Variants in PARD3 observed in about 807,000 individuals in gnomAD.
The protein encoded by PARD3 is par-3 family cell polarity regulator, also known as partitioning defective 3 homolog.
PARD3 carries 75 observed loss-of-function variants against 155.4 expected under a neutral mutation model. That is an observed-to-expected ratio of 0.48 (90% CI 0.40 to 0.58). The LOEUF (loss-of-function observed/expected upper bound fraction) is 0.58. PARD3 is among the 20% of genes least tolerant of loss of function. The pLI is 0.00. For synonymous variants in PARD3, 576 were observed against 610.5 expected, an observed-to-expected ratio of 0.94 and a Z score of 0.83; for missense variants, 1,642 against 1,721.7, an observed-to-expected ratio of 0.95 and a Z score of 0.82.
chr10:34,221,270 T>C (rs1270381414), intron 22 of PARD3, among the ~76,000 whole-genome samples: 9 of 152,152 alleles, frequency 5.9e-5, no homozygotes, highest in Non-Finnish European at 1.5e-5. Context: ...CCCATTTGTA[T>C]GGCCACCCTT....
intron 7 of PARD3, among the ~76,000 whole-genome samples, chr10:34,394,565 A>G (rs1207416697): frequency 1.3e-5 from 2 of 152,156 alleles, no homozygotes; most frequent in Non-Finnish European, 2.9e-5. Context: ...GCTTCAAGTG[A>G]TCCTTCCACT....
intron 1 of PARD3, among the ~76,000 whole-genome samples, chr10:34,728,966 A>G (rs566312973): frequency 6.6e-6 from 1 of 152,286 alleles, no homozygotes; most frequent in South Asian, 2.1e-4. Context: ...ATATGTTTAG[A>G]AACACAACTA....
chr10:34,800,535 C>T (rs995303084), intron 1 of PARD3, among the ~76,000 whole-genome samples: 2 of 151,840 alleles, frequency 1.3e-5, no homozygotes, highest in African/African-American at 4.8e-5. Flanking sequence ...TGCTTGAACC[C>T]GGGAGGCAGA....
At chr10:34,344,158 T>C (rs1589244610) in intron 15 of PARD3, 5 of 983,618 alleles carry the variant, frequency 5.1e-6, no homozygotes, top group South Asian at 4.7e-5. Flanking sequence ...AGTTGAGAAA[T>C]AGTTAAAGTC....
chr10:34,593,163 G>C (rs955153423), intron 2 of PARD3, among the ~76,000 whole-genome samples: 2 of 152,142 alleles, frequency 1.3e-5, no homozygotes, highest in Non-Finnish European at 2.9e-5. Context: ...GAGCTGTAAG[G>C]AGAAAAACAA....
At chr10:34,492,899 A>G (rs1472027823) in intron 3 of PARD3, among the ~76,000 whole-genome samples, 2 of 152,252 alleles carry the variant, frequency 1.3e-5, no homozygotes, top group African/African-American at 4.8e-5. Flanking sequence ...AAATATCGCT[A>G]AAGCGTTTTT....
At chr10:34,608,306 T>C (rs553630168) in intron 2 of PARD3, among the ~76,000 whole-genome samples, 156 of 152,286 alleles carry the variant, frequency 1.0e-3, no homozygotes, top group Non-Finnish European at 2.0e-3. Context: ...CACCCATAGA[T>C]TCTTGACAAC....
chr10:34,428,478 C>T lies in PARD3; in HGVS notation c.714+21839G>A, dbSNP rs111961953. On this transcript the variant is annotated intron_variant, in intron 5 of 24. Coordinates refer to ENST00000374788, the MANE Select transcript of PARD3 (RefSeq NM_001184785.2). ...CCAGTCTGGGCCTCATAGTGAGATC[C>T]CATCTCTAAAAGAAAAAAGAGGCCT... is the stretch of plus-strand genomic sequence containing the variant. 6.6e-3 allele frequency among the ~76,000 whole-genome samples: 999 copies of T among 152,120 alleles called. 13 individuals are homozygous for T. Among genetic ancestry groups the T allele is most frequent in the African/African-American group, 0.023 (948 of 41,480 alleles).
chr10:34,798,782 G>C (rs183381307), intron 1 of PARD3, among the ~76,000 whole-genome samples: 56 of 151,692 alleles, frequency 3.7e-4, no homozygotes, highest in Admixed American at 2.0e-3. Flanking sequence ...CATGCTGGCT[G>C]ATCATCTCAA....
intron 2 of PARD3, among the ~76,000 whole-genome samples, chr10:34,668,372 C>T (rs189707181): frequency 1.3e-5 from 2 of 152,274 alleles, no homozygotes; most frequent in African/African-American, 2.4e-5. Flanking sequence ...TGCTCTCTAC[C>T]TGATATAACC....
chr10:34,690,791 C>G (rs147604280), intron 2 of PARD3, among the ~76,000 whole-genome samples: 187 of 152,324 alleles, frequency 1.2e-3, no homozygotes, highest in African/African-American at 4.5e-3. Context: ...GAGAAACAGG[C>G]GTGCTCATCT....
chr10:34,615,006 G>A (rs1267723606), intron 2 of PARD3, among the ~76,000 whole-genome samples: 1 of 152,024 alleles, frequency 6.6e-6, no homozygotes, highest in Non-Finnish European at 1.5e-5. Flanking sequence ...GTGAAACCAC[G>A]TCTCTACTAA....
At chr10:34,171,896 G>A (rs1949809666) in intron 22 of PARD3, among the ~76,000 whole-genome samples, 1 of 131,776 alleles carries the variant, frequency 7.6e-6, no homozygotes, top group Admixed American at 8.9e-5. Flanking sequence ...GTTTCAGTGA[G>A]TCAAGACTGA....
intron 2 of PARD3, among the ~76,000 whole-genome samples, chr10:34,642,306 G>A (rs887700619): frequency 3.9e-5 from 6 of 152,040 alleles, no homozygotes; most frequent in Admixed American, 2.6e-4. Flanking sequence ...CAGCTGTCAT[G>A]AATCTTTCTA....
intron 5 of PARD3, among the ~76,000 whole-genome samples, chr10:34,432,879 C>T (rs2076017451): frequency 6.6e-6 from 1 of 152,058 alleles, no homozygotes; most frequent in South Asian, 2.1e-4. Context: ...ATGACCAGCA[C>T]TCAGGGAGGT....
At position 34,256,334 on chromosome 10, in the gene PARD3, A is replaced by G. The variant is rs116007168; in HGVS notation, c.3419+13323T>C. 6.6e-5 allele frequency among the ~76,000 whole-genome samples: 10 copies of G among 152,328 alleles called. No individual in the cohort carries two copies. In the East Asian group the frequency reaches 1.7e-3, roughly 27 times the overall value. ...CAGCTTTGGTCATGAGCTGAGCTCC[A>G]TGGGCTTCTGCTCTGTCGTTTGCTC... On this transcript the variant is annotated intron_variant, in intron 22 of 24. Transcript: ENST00000374788.
chr10:34,129,676 C>CTTTTT (rs139162678), intron 23 of PARD3, among the ~76,000 whole-genome samples: 2 of 119,928 alleles, frequency 1.7e-5, no homozygotes, highest in Non-Finnish European at 1.8e-5. Context: ...TCAAATGTTC[C>CTTTTT]TTTTTTTTTG....
chr10:34,203,499 T>A (rs187517214), intron 22 of PARD3, among the ~76,000 whole-genome samples: 1 of 152,218 alleles, frequency 6.6e-6, no homozygotes, highest in Non-Finnish European at 1.5e-5. Context: ...GTCTATTATA[T>A]AAACTGGTGT....
intron 1 of PARD3, among the ~76,000 whole-genome samples, chr10:34,782,608 C>T (rs1224545065): frequency 1.3e-5 from 2 of 152,204 alleles, no homozygotes; most frequent in Admixed American, 6.5e-5. Flanking sequence ...ACACATAAAA[C>T]ACTGTTACCT....
Sources: gnomAD v4.1 joint callset for allele counts (sites outside exome capture counted in the v4.1 genomes callset) on GRCh38, gnomAD v4.1.1 for gene constraint, MANE v1.5 for transcripts, NCBI Gene and HGNC (gene_info 2026-07-23, HGNC 2026-07-21) for gene names.